The following GPC5 variants were observed in gnomAD, a reference collection of about 807,000 sequenced individuals.
GPC5 encodes the protein glypican 5, also known as glypican-5.
GPC5 carries 47 observed loss-of-function variants against 53.9 expected under a neutral mutation model. The ratio of observed to expected loss-of-function variants is 0.87; its 90% CI spans 0.69 to 1.11. The LOEUF is 1.11. GPC5 is among the 50% of genes most tolerant of loss of function. The pLI is 0.00. For missense variants in GPC5, 748 were observed against 713.1 expected (o/e 1.05, Z -0.56); for synonymous variants, 286 against 263.3 (o/e 1.09, Z -0.84).
chr13:91,726,033 G>A (rs1291300574), intron 3 of GPC5, among the ~76,000 whole-genome samples: 1 of 152,066 alleles, frequency 6.6e-6, no homozygotes, highest in Non-Finnish European at 1.5e-5. Context: ...TCTTCCTTGG[G>A]TTCTTGTTAC....
chr13:92,535,908 T>A (rs1179535800), intron 7 of GPC5, among the ~76,000 whole-genome samples: 1 of 152,170 alleles, frequency 6.6e-6, no homozygotes. Context: ...TTGATAATCA[T>A]GATTATCTTA....
At chr13:92,456,056 T>A (rs971176244) in intron 7 of GPC5, among the ~76,000 whole-genome samples, 2 of 152,230 alleles carry the variant, frequency 1.3e-5, no homozygotes, top group Non-Finnish European at 2.9e-5. Flanking sequence ...ATATTTTAAT[T>A]GCTTTAAAAA....
At chr13:91,763,452 A>G (rs941220748) in intron 5 of GPC5, among the ~76,000 whole-genome samples, 1 of 152,146 alleles carries the variant, frequency 6.6e-6, no homozygotes, top group Non-Finnish European at 1.5e-5. Flanking sequence ...ATCCACGTGC[A>G]AAGACCTGCC....
At chr13:91,832,961 T>G (rs1238358499) in intron 5 of GPC5, among the ~76,000 whole-genome samples, 1 of 152,100 alleles carries the variant, frequency 6.6e-6, no homozygotes, top group African/African-American at 2.4e-5. Context: ...AGGACCTGGT[T>G]TTTTGAAAAG....
chr13:92,055,958 AGTTT>A, intron 6 of GPC5, among the ~76,000 whole-genome samples: 1 of 152,188 alleles, frequency 6.6e-6, no homozygotes, highest in Non-Finnish European at 1.5e-5. Context: ...CTGTACCATT[AGTTT>A]AAATTTTTTT....
intron 6 of GPC5, among the ~76,000 whole-genome samples, chr13:92,020,854 T>C (rs1194139247): frequency 6.6e-6 from 1 of 152,138 alleles, no homozygotes; most frequent in Non-Finnish European, 1.5e-5. Context: ...CCTACTTGTG[T>C]ATTTTTGTTT....
intron 2 of GPC5, among the ~76,000 whole-genome samples, chr13:91,615,096 T>G (rs2033659313): frequency 6.6e-6 from 1 of 150,752 alleles, no homozygotes; most frequent in Non-Finnish European, 1.5e-5. Flanking sequence ...GGCATTAGGA[T>G]TACAAACAAC....
At chr13:92,174,086 CTGAG>C (rs1313627332) in intron 7 of GPC5, among the ~76,000 whole-genome samples, 2 of 152,112 alleles carry the variant, frequency 1.3e-5, no homozygotes, top group East Asian at 3.9e-4. Context: ...GCCTGGGTGA[CTGAG>C]TGAGAGACCC....
At chr13:91,525,594 G>C (rs1042600601) in intron 2 of GPC5, among the ~76,000 whole-genome samples, 2 of 152,190 alleles carry the variant, frequency 1.3e-5, no homozygotes, top group Non-Finnish European at 2.9e-5. Context: ...CATTTCCACA[G>C]AGGTATGGGA....
At chr13:92,535,147 G>C (rs972539273) in intron 7 of GPC5, among the ~76,000 whole-genome samples, 1 of 152,114 alleles carries the variant, frequency 6.6e-6, no homozygotes. Context: ...CAGGAATGTG[G>C]CTGGGCTTCA....
chr13:92,163,839 G>T (rs2042008342), intron 7 of GPC5, among the ~76,000 whole-genome samples: 9 of 152,134 alleles, frequency 5.9e-5, no homozygotes. Context: ...CCAAGACTGG[G>T]TAATTTATAA....
Position 92,164,713 on chromosome 13 carries a change from T to G in GPC5, c.1561+19724T>G, listed in dbSNP as rs376037698. 3.3e-5 allele frequency among the ~76,000 whole-genome samples: 5 copies of G among 152,012 alleles called. No homozygotes were observed. In the East Asian group the frequency reaches 7.7e-4, roughly 24 times the overall value. On this transcript the variant is annotated intron_variant, in intron 7 of 7. Transcript: ENST00000377067. The stretch of plus-strand genomic sequence containing the variant: ...ACAGCTCCACTAGATAGTGCCCCAG[T>G]GGGGATTTTTTGTGTGGGGACTCTG...
At chr13:92,040,191 T>C (rs1285224746) in intron 6 of GPC5, among the ~76,000 whole-genome samples, 1 of 152,214 alleles carries the variant, frequency 6.6e-6, no homozygotes, top group Non-Finnish European at 1.5e-5. Flanking sequence ...AATCAATTCC[T>C]AGCCAGGGCC....
At chr13:92,168,094 C>T (rs1263589026) in intron 7 of GPC5, among the ~76,000 whole-genome samples, 2 of 152,084 alleles carry the variant, frequency 1.3e-5, no homozygotes, top group Non-Finnish European at 2.9e-5. Context: ...CCAATCATGG[C>T]CCTGATAAAA....
chr13:92,000,708 A>G (rs2040546228), intron 6 of GPC5, among the ~76,000 whole-genome samples: 1 of 152,192 alleles, frequency 6.6e-6, no homozygotes, highest in Non-Finnish European at 1.5e-5. Context: ...GCAGTCATTT[A>G]GCACATCCTC....
chr13:91,399,423 T>G (rs9523325), intron 1 of GPC5, among the ~76,000 whole-genome samples: 117,996 of 152,068 alleles, frequency 0.78, 46,000 homozygotes, highest in Admixed American at 0.81. Context: ...CTGCGACGAA[T>G]CCCCGTTCTG....
chr13:92,511,569 T>C (rs1880568070), intron 7 of GPC5, among the ~76,000 whole-genome samples: 1 of 152,212 alleles, frequency 6.6e-6, no homozygotes, highest in Admixed American at 6.5e-5. Flanking sequence ...CCTCTGTTGT[T>C]CAAGGGCATA....
intron 7 of GPC5, among the ~76,000 whole-genome samples, chr13:92,258,087 T>C (rs2042740251): frequency 6.6e-6 from 1 of 152,190 alleles, no homozygotes; most frequent in South Asian, 2.1e-4. Flanking sequence ...AAAGAAGTTA[T>C]AGTTTAAAAG....
chr13:92,519,427 T>C (rs546844792), intron 7 of GPC5, among the ~76,000 whole-genome samples: 18 of 152,184 alleles, frequency 1.2e-4, no homozygotes, highest in Admixed American at 5.2e-4. Flanking sequence ...TAACAAACTG[T>C]CTCTCAGACC....
Sources: allele counts gnomAD v4.1 joint callset (sites outside exome capture counted in the v4.1 genomes callset), GRCh38; gene constraint gnomAD v4.1.1; transcripts MANE v1.5; gene names NCBI Gene and HGNC (gene_info 2026-07-23, HGNC 2026-07-21).